The following FOXP1 variants were observed in gnomAD, a reference collection of about 807,000 sequenced individuals.
FOXP1 encodes the protein forkhead box P1.
A neutral mutation model predicts 98.2 loss-of-function variants in FOXP1; 15 were observed. That is an observed-to-expected ratio of 0.15 (90% confidence interval 0.10 to 0.24). The LOEUF is 0.24. Ranked by LOEUF, FOXP1 falls within the 10% of genes least tolerant of loss-of-function variation. The pLI, the probability that FOXP1 is intolerant of heterozygous loss-of-function variation, is 1.00. For missense variants in FOXP1, 633 were observed against 848.5 expected (o/e 0.75, Z 3.15); for synonymous variants, 371 against 314.5 (o/e 1.18, Z -1.90).
intron 7 of FOXP1, among the ~76,000 whole-genome samples, chr3:71,083,453 G>C (rs1293861045): frequency 6.6e-6 from 1 of 152,168 alleles, no homozygotes; most frequent in Non-Finnish European, 1.5e-5. Flanking sequence ...AGTGACACAA[G>C]AACAGCCTAA....
intron 3 of FOXP1, among the ~76,000 whole-genome samples, chr3:71,489,999 G>T (rs2090949882): frequency 6.6e-6 from 1 of 152,180 alleles, no homozygotes; most frequent in South Asian, 2.1e-4. Context: ...CAAGCCTAAA[G>T]ACTCCAAATT....
intron 3 of FOXP1, among the ~76,000 whole-genome samples, chr3:71,452,751 A>C (rs2087077763): frequency 6.6e-6 from 1 of 152,102 alleles, no homozygotes; most frequent in Non-Finnish European, 1.5e-5. Flanking sequence ...TCAGTTGCTG[A>C]CAAAATCAGC....
chr3:70,970,019 T>C (rs1373659089), intron 19 of FOXP1: 1 of 152,368 alleles, frequency 6.6e-6, no homozygotes, highest in East Asian at 1.9e-4. Flanking sequence ...TGTAAAAAGT[T>C]TGCTAGAAGC....
chr3:71,526,428 A>C (rs924556856), intron 2 of FOXP1, among the ~76,000 whole-genome samples: 9 of 152,240 alleles, frequency 5.9e-5, no homozygotes, highest in Non-Finnish European at 8.8e-5. Flanking sequence ...TACAGTCAGT[A>C]ATAGTCTAAA....
At chr3:71,294,737 T>C (rs1049075962) in intron 5 of FOXP1, among the ~76,000 whole-genome samples, 1 of 152,184 alleles carries the variant, frequency 6.6e-6, no homozygotes, top group Non-Finnish European at 1.5e-5. Context: ...CCTGGCCACC[T>C]AGGTAGAGAC....
intron 6 of FOXP1, chr3:71,130,902 GACACAGC>G: frequency 7.3e-7 from 1 of 1,366,330 alleles, no homozygotes; most frequent in Non-Finnish European, 9.4e-7. Context: ...TGCAAGCAGC[GACACAGC>G]ACACGCAGTG....
intron 10 of FOXP1, among the ~76,000 whole-genome samples, chr3:71,045,586 C>T (rs935699286): frequency 6.6e-6 from 1 of 152,084 alleles, no homozygotes; most frequent in Non-Finnish European, 1.5e-5. Flanking sequence ...TGCTCAGTTA[C>T]GACATCTTCT....
chr3:71,013,363 T>C (rs2043946739), intron 12 of FOXP1, among the ~76,000 whole-genome samples: 2 of 152,154 alleles, frequency 1.3e-5, no homozygotes. Flanking sequence ...TGGCCAGTAA[T>C]TGTCACCAAT....
At chr3:71,080,903 C>A (rs937419498) in intron 7 of FOXP1, among the ~76,000 whole-genome samples, 1 of 152,210 alleles carries the variant, frequency 6.6e-6, no homozygotes, top group Non-Finnish European at 1.5e-5. Context: ...TGATTTGACT[C>A]AATGAACCCA....
At chr3:71,257,446 G>A (rs948899310) in intron 5 of FOXP1, among the ~76,000 whole-genome samples, 22 of 152,022 alleles carry the variant, frequency 1.4e-4, no homozygotes, top group African/African-American at 5.3e-4. Context: ...ATAGCCGAGG[G>A]TGGTGGCAGG....
At chr3:71,354,261 G>C (rs1344069214) in intron 4 of FOXP1, among the ~76,000 whole-genome samples, 3 of 151,106 alleles carry the variant, frequency 2.0e-5, no homozygotes, top group Non-Finnish European at 4.4e-5. Context: ...CTGGGTGACA[G>C]AGCGAGACTC....
intron 7 of FOXP1, among the ~76,000 whole-genome samples, chr3:71,101,122 C>T (rs2056921527): frequency 2.6e-5 from 4 of 151,928 alleles, no homozygotes; most frequent in Non-Finnish European, 5.9e-5. Flanking sequence ...AAAATACCAG[C>T]GGAAGGAAAA....
At position 71,193,384 on chromosome 3, in the gene FOXP1, G is replaced by A. The variant is rs532528427; in HGVS notation, c.180+4818C>T. Among the ~76,000 whole-genome samples the A allele has an allele frequency of 2.4e-5, 3 of 126,710 alleles. 1 individual carries two copies. The highest frequency in any genetic ancestry group is 1.1e-4 in the African/African-American group (3 of 27,626). The allele number at this position is 126,710 out of a possible 152,430, so 83.1% of individuals were successfully genotyped here. On this transcript the variant is annotated intron_variant, in intron 6 of 20. Transcript: ENST00000649528. Reference sequence around the variant, plus strand: ...AGGATGGTCTCAATCTCCTGACCTCGTGATCTGCCCTCCTCAGCCTCCCAA... The same window carrying A: ...AGGATGGTCTCAATCTCCTGACCTCATGATCTGCCCTCCTCAGCCTCCCAA...
intron 1 of FOXP1, chr3:71,582,271 G>A: frequency 1.0e-6 from 1 of 984,188 alleles, no homozygotes; most frequent in Non-Finnish European, 1.2e-6. Flanking sequence ...TTCCGAGCGC[G>A]ACGTTGTCTG....
chr3:70,979,751 A>G (rs1470386690), intron 14 of FOXP1, among the ~76,000 whole-genome samples: 3 of 151,274 alleles, frequency 2.0e-5, no homozygotes, highest in Non-Finnish European at 4.4e-5. Flanking sequence ...TATGTTGGGA[A>G]GACTCGACCT....
At chr3:71,418,601 G>A (rs540118896) in intron 3 of FOXP1, among the ~76,000 whole-genome samples, 1 of 152,292 alleles carries the variant, frequency 6.6e-6, no homozygotes, top group Admixed American at 6.5e-5. Context: ...GCTAATAGGG[G>A]AAGAAATTAG....
chr3:71,127,262 C>T (rs2059276894), intron 6 of FOXP1, among the ~76,000 whole-genome samples: 1 of 141,622 alleles, frequency 7.1e-6, no homozygotes, highest in Non-Finnish European at 1.6e-5. Flanking sequence ...ATTCTTTTGC[C>T]CCCAAAGCAT....
intron 7 of FOXP1, among the ~76,000 whole-genome samples, chr3:71,055,512 C>A (rs2050500071): frequency 6.6e-6 from 1 of 152,100 alleles, no homozygotes; most frequent in African/African-American, 2.4e-5. Flanking sequence ...GGATAAATTA[C>A]CCTTTTAAAA....
At chr3:71,565,667 A>T (rs2046856535) in intron 2 of FOXP1, among the ~76,000 whole-genome samples, 1 of 152,234 alleles carries the variant, frequency 6.6e-6, no homozygotes, top group Non-Finnish European at 1.5e-5. Flanking sequence ...AATGGTAACT[A>T]TGCATAAAGA....
Sources: gnomAD v4.1 joint callset for allele counts (sites outside exome capture counted in the v4.1 genomes callset) on GRCh38, gnomAD v4.1.1 for gene constraint, MANE v1.5 for transcripts, NCBI Gene and HGNC (gene_info 2026-07-23, HGNC 2026-07-21) for gene names.